Variants in SLC6A12 observed in about 807,000 individuals in gnomAD.
SLC6A12 encodes sodium- and chloride-dependent betaine transporter.
A neutral mutation model predicts 73.3 loss-of-function variants in SLC6A12; 50 were observed. The observed-to-expected ratio is 0.68, with a 90% CI of 0.54 to 0.86. The LOEUF (loss-of-function observed/expected upper bound fraction) is 0.86, where lower values mean the gene tolerates loss of function less well. SLC6A12 is among the 40% of genes least tolerant of loss of function. The pLI is 0.00. For synonymous variants in SLC6A12, 304 were observed against 309.2 expected, an observed-to-expected ratio of 0.98 and a Z score of 0.18; for missense variants, 648 against 772.8, an observed-to-expected ratio of 0.84 and a Z score of 1.92.
chr12:200,220 T>A (rs558483450), intron 7 of SLC6A12, among the ~76,000 whole-genome samples: 3 of 149,280 alleles, frequency 2.0e-5, no homozygotes, highest in African/African-American at 7.5e-5. Context: ...GCCATTCTCC[T>A]GCCTCAGCCT....
rs755522359 is a variant in SLC6A12, at chr12:197,921, T to C, written c.929A>G (p.Lys310Arg). 2.0e-6 allele frequency: 3 copies of C among 1,515,964 alleles called. No individual in the cohort carries two copies. Among genetic ancestry groups the C allele is most frequent in the Non-Finnish European group, 2.7e-6 (3 of 1,116,382 alleles). The allele number at this position is 1,515,964 out of a possible 1,614,324, so 93.9% of individuals were successfully genotyped here. A position where few individuals can be genotyped will look rare whatever the true frequency, so the allele number is the denominator to read the frequency against. ...TCACTTGTAGCAGTTGTTGTGATAC[T>C]TGTTGTAGCTGCCCAGGGCTGTCAG... is the stretch of plus-strand genomic sequence containing the variant. Reference protein sequence around the residue: ...GCLTALGSYNKYHNNCYKDCI... With the variant: ...GCLTALGSYNRYHNNCYKDCI... Residue 310 changes from lysine (K) to arginine (R), a missense_variant, in exon 9 of 16, where the codon AAG becomes AGG. Lys to Arg is a conservative substitution (Grantham distance 26). Transcript: ENST00000684302.
intron 7 of SLC6A12, among the ~76,000 whole-genome samples, chr12:200,297 A>G (rs913215845): frequency 6.6e-6 from 1 of 150,630 alleles, no homozygotes; most frequent in African/African-American, 2.5e-5. Flanking sequence ...TTTAGTAGAG[A>G]CGGGGTTTTA....
At chr12:200,040 C>T (rs1003344230) in intron 7 of SLC6A12, among the ~76,000 whole-genome samples, 2 of 151,854 alleles carry the variant, frequency 1.3e-5, no homozygotes, top group Admixed American at 1.3e-4. Flanking sequence ...ATTAGCAGTG[C>T]CAACCTGCCA....
the SLC6A12 span, among the ~76,000 whole-genome samples, chr12:184,284 C>G: frequency 6.6e-6 from 1 of 152,124 alleles, no homozygotes; most frequent in African/African-American, 2.4e-5. Flanking sequence ...ACCTATAGAA[C>G]TTGGAATGGA....
At chr12:197,158 C>CATCTATCCATCTATCCATCCATCCATCT (rs1565469088) in intron 10 of SLC6A12, among the ~76,000 whole-genome samples, 1 of 44,450 alleles carries the variant, frequency 2.2e-5, no homozygotes. Flanking sequence ...TCCATCCATC[C>CATCTATCCATCTATCCATCCATCCATCT]ATCCATCCAT....
At chr12:187,164 A>G (rs1474106275), downstream of SLC6A12, among the ~76,000 whole-genome samples, 1 of 152,176 alleles carries the variant, frequency 6.6e-6, no homozygotes, top group African/African-American at 2.4e-5. Context: ...TAGCTGCCAG[A>G]TTTGGCCTCT....
Position 192,861 on chromosome 12 carries a change from G to A in SLC6A12, c.1531-213C>T, listed in dbSNP as rs147738939. The stretch of plus-strand genomic sequence containing the variant: ...TACAAAGGAAGGGAGGGGCTCGGAA[G>A]AGCATCATTCACATCACAGACGGAG... On this transcript the variant is annotated intron_variant, in intron 14 of 15. Coordinates refer to ENST00000684302, the MANE Select transcript of SLC6A12 (RefSeq NM_001122848.3). 8.4e-3 allele frequency among the ~76,000 whole-genome samples: 738 copies of A among 88,274 alleles called. 4 individuals are homozygous for A. Among genetic ancestry groups the A allele is most frequent in the African/African-American group, 0.03 (695 of 23,056 alleles). The allele number at this position is 88,274 out of a possible 152,430, so 57.9% of individuals were successfully genotyped here.
intron 13 of SLC6A12, chr12:194,109 A>G (rs1939750681): frequency 6.6e-6 from 1 of 152,252 alleles, no homozygotes; most frequent in Non-Finnish European, 1.5e-5. Flanking sequence ...ACCATTAAAG[A>G]GTGGTTCCTT....
chr12:187,236 G>C (rs531699389), downstream of SLC6A12, among the ~76,000 whole-genome samples: 2 of 152,122 alleles, frequency 1.3e-5, no homozygotes, highest in Non-Finnish European at 2.9e-5. Flanking sequence ...CAGAGTAAGT[G>C]GGTTCTTGGT....
chr12:187,223 GC>G (rs1389563445), downstream of SLC6A12, among the ~76,000 whole-genome samples: 1 of 152,248 alleles, frequency 6.6e-6, no homozygotes, highest in Non-Finnish European at 1.5e-5. Flanking sequence ...ATGAAAGTGT[GC>G]CCAGAGTAAG....
rs774836207 is a variant in SLC6A12, at chr12:196,855, G to A, written c.1103C>T (p.Pro368Leu). ...TAAGGGCATCATAGTCACAGCCTTG[G>A]GGAAGGCGATGAAGGCCAGCCCAGG... is the stretch of plus-strand genomic sequence containing the variant. Reference protein sequence around the residue: ...SGPGLAFIAFPKAVTMMPLSQ... With the variant: ...SGPGLAFIAFLKAVTMMPLSQ... The change falls in exon 11 of 16, where the codon CCC becomes CTC. Residue 368 changes from proline to leucine, a missense_variant. Coordinates refer to ENST00000684302, the MANE Select transcript of SLC6A12 (RefSeq NM_001122848.3). The A allele has an allele frequency of 9.9e-6, 16 of 1,613,754 alleles. No homozygotes were observed. The South Asian group carries it at 1.5e-4, about 16-fold the overall frequency.
chr12:187,608 A>C (rs1193342836), downstream of SLC6A12, among the ~76,000 whole-genome samples: 4 of 14,680 alleles, frequency 2.7e-4, no homozygotes, highest in Non-Finnish European at 1.8e-3. Flanking sequence ...AAAAAAAAAA[A>C]AAAAAAAAAA....
At chr12:187,611 AAAAAAAAAAAAAAAAAAAAAC>A (rs1333237694), downstream of SLC6A12, among the ~76,000 whole-genome samples, 65 of 15,908 alleles carry the variant, frequency 4.1e-3, no homozygotes, top group African/African-American at 5.6e-3. Flanking sequence ...AAAAAAAAAA[AAAAAAAAAAAAAAAAAAAAAC>A]AAACCACACA....
At position 195,299 on chromosome 12, in the gene SLC6A12, T is replaced by A. The variant is rs1400970995; in HGVS notation, c.1355A>T (p.Asp452Val). Residue 452 changes from aspartate to valine, a missense_variant, in exon 13 of 16, where the codon GAC becomes GTC. By Grantham distance (152) the Asp-to-Val change is radical. Coordinates refer to ENST00000684302, the MANE Select transcript of SLC6A12 (RefSeq NM_001122848.3). ...GCATATGCCACTGGAAGCATAGTAG[T>A]CAAACAGCTGGAAGATGTACATCCC... is the stretch of plus-strand genomic sequence containing the variant. ...EGGMYIFQLF[D>V]YYASSGICLL... 5 of 1,613,222 alleles carry A rather than the reference T, an allele frequency of 3.1e-6. No individual in the cohort carries two copies. Among genetic ancestry groups the A allele is most frequent in the Non-Finnish European group, 4.2e-6 (5 of 1,179,164 alleles).
chr12:187,466 C>T (rs558841782), downstream of SLC6A12, among the ~76,000 whole-genome samples: 5 of 151,610 alleles, frequency 3.3e-5, no homozygotes, highest in South Asian at 4.2e-4. Context: ...TTTTTCCTCC[C>T]GATGGTTCAG....
chr12:200,853 C>T, intron 6 of SLC6A12, 70 bp from the exon 7 acceptor site: 1 of 1,509,910 alleles, frequency 6.6e-7, no homozygotes, highest in Non-Finnish European at 9.0e-7. Context: ...GTCAGCAAGT[C>T]TCCTGATTCT....
intron 4 of SLC6A12, among the ~76,000 whole-genome samples, 187 bp from the exon 5 acceptor site, chr12:203,067 T>C (rs1011223279): frequency 1.8e-4 from 24 of 136,222 alleles, no homozygotes; most frequent in Non-Finnish European, 2.4e-4. Flanking sequence ...TTCTTTTTTT[T>C]TTTTTTTTTT....
downstream of SLC6A12, among the ~76,000 whole-genome samples, chr12:186,023 C>T (rs1038049778): frequency 6.6e-6 from 1 of 152,212 alleles, no homozygotes; most frequent in Non-Finnish European, 1.5e-5. Context: ...CAGACACAGC[C>T]AGTCTTCACC....
chr12:203,414 T>A (rs1051066484), intron 4 of SLC6A12: 1 of 152,166 alleles, frequency 6.6e-6, no homozygotes, highest in Admixed American at 6.5e-5. Context: ...ACAAAACCTC[T>A]CCTTTGGGGC....
Sources: allele counts gnomAD v4.1 joint callset (sites outside exome capture counted in the v4.1 genomes callset), GRCh38; gene constraint gnomAD v4.1.1; transcripts MANE v1.5; gene names NCBI Gene and HGNC (gene_info 2026-07-23, HGNC 2026-07-21).